NKAIN3: variants seen among roughly 807,000 people sequenced by gnomAD.
NKAIN3 encodes sodium/potassium-transporting ATPase subunit beta-1-interacting protein 3.
In NKAIN3, 25 loss-of-function variants were observed where a neutral mutation model predicts 30.2. That is an observed-to-expected ratio of 0.83 (90% CI 0.60 to 1.16). NKAIN3 has a LOEUF of 1.16. Ranked by LOEUF, NKAIN3 falls within the 50% of genes most tolerant of loss-of-function variation. The probability of loss-of-function intolerance (pLI) is 0.00; values close to 1 mark genes in which losing one functional copy is unlikely to be tolerated. For synonymous variants in NKAIN3, 91 were observed against 89.6 expected (o/e 1.02, Z -0.09); for missense variants, 225 against 254.1 (o/e 0.89, Z 0.78).
At chr8:62,351,838 G>T (rs1225620393) in intron 1 of NKAIN3, among the ~76,000 whole-genome samples, 1 of 152,186 alleles carries the variant, frequency 6.6e-6, no homozygotes, top group African/African-American at 2.4e-5. Flanking sequence ...ATTGTAAGAG[G>T]AGGTAGCATC....
At chr8:62,528,589 A>G (rs1006715506) in intron 1 of NKAIN3, among the ~76,000 whole-genome samples, 5 of 151,810 alleles carry the variant, frequency 3.3e-5, no homozygotes, top group African/African-American at 1.2e-4. Flanking sequence ...TCTTAGAGCT[A>G]TAGGTAGACA....
At chr8:62,325,212 A>G (rs571343025) in intron 1 of NKAIN3, among the ~76,000 whole-genome samples, 1 of 152,220 alleles carries the variant, frequency 6.6e-6, no homozygotes, top group South Asian at 2.1e-4. Context: ...ACTTCCATGT[A>G]GAAGTAATAG....
intron 1 of NKAIN3, among the ~76,000 whole-genome samples, chr8:62,318,234 T>G (rs1007212414): frequency 2.0e-5 from 3 of 152,144 alleles, no homozygotes; most frequent in South Asian, 2.1e-4. Flanking sequence ...ACAGGGACAA[T>G]TTGACTTCCT....
intron 4 of NKAIN3, among the ~76,000 whole-genome samples, chr8:62,902,019 T>G (rs1209067191): frequency 6.6e-6 from 1 of 152,184 alleles, no homozygotes; most frequent in South Asian, 2.1e-4. Context: ...TCAGTCTGTA[T>G]GCCCAGAGGG....
intron 1 of NKAIN3, among the ~76,000 whole-genome samples, chr8:62,377,041 G>T (rs995750336): frequency 3.3e-5 from 5 of 152,082 alleles, no homozygotes; most frequent in African/African-American, 7.2e-5. Context: ...GAAGTTCAGT[G>T]AAAAACTTTA....
At chr8:62,734,690 G>A (rs1313745899) in intron 3 of NKAIN3, among the ~76,000 whole-genome samples, 1 of 152,160 alleles carries the variant, frequency 6.6e-6, no homozygotes, top group Admixed American at 6.5e-5. Context: ...AATGTTTTGA[G>A]AAAAAGTCAG....
At chr8:62,268,123 G>T (rs1034091040) in intron 1 of NKAIN3, among the ~76,000 whole-genome samples, 3 of 152,218 alleles carry the variant, frequency 2.0e-5, no homozygotes, top group African/African-American at 7.2e-5. Context: ...ATGTTCAACA[G>T]TGGTAGGGCT....
intron 3 of NKAIN3, among the ~76,000 whole-genome samples, chr8:62,643,270 A>G (rs980848329): frequency 6.6e-6 from 1 of 152,174 alleles, no homozygotes; most frequent in Non-Finnish European, 1.5e-5. Flanking sequence ...ATAATGCACA[A>G]TCAGCTAGGA....
Position 62,966,553 on chromosome 8 carries a change from C to A in NKAIN3, c.*1146C>A. ...CAATCAAAATGCAGAACATTTCCGT[C>A]ACTTTAAAAAATTCCCTTATGCCCT... On this transcript the variant is annotated 3_prime_UTR_variant, in exon 7 of 7. Transcript: ENST00000623646. The A allele has an allele frequency of 4.4e-6, 1 of 229,306 alleles. No homozygotes were observed. The highest frequency in any genetic ancestry group is 7.2e-6 in the Non-Finnish European group (1 of 138,560). 14.2% of individuals were successfully genotyped at this position (229,306 alleles called of 1,614,324 possible).
chr8:62,946,332 G>T (rs1823125155), intron 5 of NKAIN3, among the ~76,000 whole-genome samples: 5 of 152,150 alleles, frequency 3.3e-5, no homozygotes, highest in Admixed American at 3.3e-4. Context: ...GTGGCCACTA[G>T]GTATGCCATA....
chr8:62,476,873 G>C (rs1215889716), intron 1 of NKAIN3, among the ~76,000 whole-genome samples: 1 of 152,206 alleles, frequency 6.6e-6, no homozygotes, highest in South Asian at 2.1e-4. Context: ...TAAAATTCCT[G>C]TGGCCCCTTT....
intron 1 of NKAIN3, among the ~76,000 whole-genome samples, chr8:62,439,045 G>T (rs1805249188): frequency 6.6e-6 from 1 of 152,282 alleles, no homozygotes; most frequent in East Asian, 1.9e-4. Context: ...GTCAGGTGGG[G>T]CAAATTAGGC....
chr8:62,370,372 A>G (rs914641523), intron 1 of NKAIN3, among the ~76,000 whole-genome samples: 1 of 152,010 alleles, frequency 6.6e-6, no homozygotes, highest in Non-Finnish European at 1.5e-5. Context: ...CGAAATGTAA[A>G]CATTTAAAAA....
chr8:62,772,653 C>A (rs1017655943), intron 4 of NKAIN3, among the ~76,000 whole-genome samples: 2 of 146,688 alleles, frequency 1.4e-5, no homozygotes, highest in African/African-American at 5.0e-5. Context: ...CTGTTCATAT[C>A]TTTTGCCTAC....
At chr8:62,950,899 T>TAGTCTTATC (rs1229824777) in intron 5 of NKAIN3, among the ~76,000 whole-genome samples, 1 of 150,588 alleles carries the variant, frequency 6.6e-6, no homozygotes, top group Non-Finnish European at 1.5e-5. Context: ...ATTTCTACCA[T>TAGTCTTATC]AGTCTTATCA....
intron 1 of NKAIN3, among the ~76,000 whole-genome samples, chr8:62,375,842 G>A (rs190861693): frequency 9.6e-4 from 146 of 152,224 alleles, no homozygotes; most frequent in South Asian, 6.2e-4. Context: ...CAAAATTTCA[G>A]TCCACAGACT....
intron 1 of NKAIN3, among the ~76,000 whole-genome samples, chr8:62,335,987 A>G (rs745633288): frequency 1.9e-4 from 29 of 152,042 alleles, no homozygotes; most frequent in Non-Finnish European, 3.2e-4. Context: ...AGAGACATAT[A>G]TTATGATTTC....
intron 5 of NKAIN3, among the ~76,000 whole-genome samples, chr8:62,935,284 C>G (rs953218209): frequency 3.3e-5 from 5 of 152,022 alleles, no homozygotes; most frequent in African/African-American, 1.2e-4. Context: ...TTAGACAGAG[C>G]CTTTGAAATT....
At chr8:62,942,225 C>CATATATATATACACATATATATACAT (rs200450874) in intron 5 of NKAIN3, among the ~76,000 whole-genome samples, 599 of 51,678 alleles carry the variant, frequency 0.012, 34 homozygotes, top group African/African-American at 0.043. Context: ...CATATATATA[C>CATATATATATACACATATATATACAT]ATATATATAC....
Sources: gnomAD v4.1 joint callset for allele counts (sites outside exome capture counted in the v4.1 genomes callset) on GRCh38, gnomAD v4.1.1 for gene constraint, MANE v1.5 for transcripts, NCBI Gene and HGNC (gene_info 2026-07-23, HGNC 2026-07-21) for gene names.